TPD52L1: variants seen among roughly 807,000 people sequenced by gnomAD.
TPD52L1 encodes the protein tumor protein D53.
TPD52L1 carries 18 observed loss-of-function variants against 28.7 expected under a neutral mutation model. The ratio of observed to expected loss-of-function variants is 0.63; its 90% CI spans 0.43 to 0.93. TPD52L1 has a LOEUF of 0.93. TPD52L1 is among the 40% of genes least tolerant of loss of function. The probability of loss-of-function intolerance (pLI) is 0.00; values close to 1 mark genes in which losing one functional copy is unlikely to be tolerated. For missense variants in TPD52L1, 203 were observed against 254.8 expected, an observed-to-expected ratio of 0.80 and a Z score of 1.39; for synonymous variants, 75 against 88.8, an observed-to-expected ratio of 0.84 and a Z score of 0.88.
chr6:125,260,986 G>GAAAA (rs71024717), intron 6 of TPD52L1: 1 of 25,542 alleles, frequency 3.9e-5, no homozygotes, highest in Non-Finnish European at 6.5e-5. Context: ...GAAAAGAAAA[G>GAAAA]AAAGAAAGAA....
intron 1 of TPD52L1, among the ~76,000 whole-genome samples, chr6:125,212,870 C>G (rs925140584): frequency 6.6e-6 from 1 of 152,216 alleles, no homozygotes; most frequent in South Asian, 2.1e-4. Context: ...ATAGTGAAAA[C>G]AGGCACATAG....
intron 1 of TPD52L1, chr6:125,219,810 G>GT: frequency 4.6e-6 from 2 of 434,336 alleles, no homozygotes; most frequent in Non-Finnish European, 8.6e-6. Flanking sequence ...CACCAAGGTG[G>GT]TAAATGTAGA....
intron 1 of TPD52L1, among the ~76,000 whole-genome samples, chr6:125,180,489 A>G (rs1792110297): frequency 6.6e-6 from 1 of 152,128 alleles, no homozygotes. Context: ...TTACTGACAC[A>G]TATAAGAATT....
intron 1 of TPD52L1, among the ~76,000 whole-genome samples, chr6:125,192,971 A>T (rs1793160887): frequency 6.6e-6 from 1 of 152,208 alleles, no homozygotes; most frequent in Non-Finnish European, 1.5e-5. Context: ...ACATCTATTT[A>T]TTATCCTTAT....
At chr6:125,154,610 G>A in intron 1 of TPD52L1, 1 of 866,818 alleles carries the variant, frequency 1.2e-6, no homozygotes, top group Non-Finnish European at 1.4e-6. Flanking sequence ...CCAGCTCCCT[G>A]CTCCCGGGGC....
chr6:125,251,832 A>G (rs1317757135), intron 4 of TPD52L1, among the ~76,000 whole-genome samples: 4 of 152,248 alleles, frequency 2.6e-5, no homozygotes, highest in Non-Finnish European at 2.9e-5. Context: ...TAACAGAAGC[A>G]AAACTTGAGT....
intron 3 of TPD52L1, among the ~76,000 whole-genome samples, chr6:125,233,233 A>T (rs941411670): frequency 6.6e-6 from 1 of 152,228 alleles, no homozygotes; most frequent in African/African-American, 2.4e-5. Context: ...TAATAATTTT[A>T]TCCTACATAA....
chr6:125,252,143 C>T, intron 4 of TPD52L1: 2 of 1,311,868 alleles, frequency 1.5e-6, no homozygotes, highest in East Asian at 2.5e-5. Context: ...AACAAAACTA[C>T]ACTCTGTTTT....
At chr6:125,168,365 C>A (rs1333669435) in intron 1 of TPD52L1, among the ~76,000 whole-genome samples, 1 of 152,054 alleles carries the variant, frequency 6.6e-6, no homozygotes, top group East Asian at 1.9e-4. Context: ...ACAGGGATAT[C>A]TTCTCTTCTT....
At chr6:125,213,133 T>A (rs1794628788) in intron 1 of TPD52L1, among the ~76,000 whole-genome samples, 1 of 152,224 alleles carries the variant, frequency 6.6e-6, no homozygotes, top group Non-Finnish European at 1.5e-5. Context: ...TTTTAACCTA[T>A]ACTTGGTGTG....
intron 1 of TPD52L1, among the ~76,000 whole-genome samples, chr6:125,193,496 C>T (rs1048331855): frequency 2.6e-5 from 4 of 152,204 alleles, no homozygotes; most frequent in East Asian, 3.9e-4. Flanking sequence ...AAGTCCCAAG[C>T]AGCTTTTCTG....
chr6:125,154,664 CAT>C (rs1237125510), intron 1 of TPD52L1: 1 of 341,276 alleles, frequency 2.9e-6, no homozygotes, highest in African/African-American at 2.2e-5. Flanking sequence ...AGGGCGGCCT[CAT>C]ATCTTGGGGT....
chr6:125,223,390 C>T (rs1795382942), intron 2 of TPD52L1, among the ~76,000 whole-genome samples: 1 of 152,118 alleles, frequency 6.6e-6, no homozygotes, highest in South Asian at 2.1e-4. Flanking sequence ...AGGCTTACAT[C>T]TTGGACAAAT....
chr6:125,172,460 T>TTGTG (rs1211284945), intron 1 of TPD52L1, among the ~76,000 whole-genome samples: 3 of 114,382 alleles, frequency 2.6e-5, no homozygotes, highest in African/African-American at 3.6e-5. Context: ...GCCTGGATTT[T>TTGTG]TGTGTGTGTG....
intron 1 of TPD52L1, among the ~76,000 whole-genome samples, chr6:125,194,925 C>T (rs1306014423): frequency 6.6e-6 from 1 of 152,132 alleles, no homozygotes; most frequent in East Asian, 1.9e-4. Context: ...GAGGATAGCC[C>T]ACCTATAAAC....
At chr6:125,224,696 C>G (rs1017693059) in intron 2 of TPD52L1, among the ~76,000 whole-genome samples, 2 of 152,160 alleles carry the variant, frequency 1.3e-5, no homozygotes, top group Non-Finnish European at 2.9e-5. Flanking sequence ...GTGGTTACTC[C>G]TAAATAACAT....
intron 1 of TPD52L1, chr6:125,203,823 C>T (rs1793945923): frequency 3.1e-6 from 3 of 983,332 alleles, no homozygotes; most frequent in Non-Finnish European, 2.4e-6. Flanking sequence ...TTGTAGAAAA[C>T]CTGATGTCTT....
intron 1 of TPD52L1, among the ~76,000 whole-genome samples, chr6:125,180,362 G>C (rs1283905149): frequency 1.3e-5 from 2 of 152,122 alleles, no homozygotes; most frequent in Non-Finnish European, 2.9e-5. Flanking sequence ...TTGAAATTGA[G>C]TCTTTCCCAG....
At chr6:125,205,853 A>G (rs1231930079) in intron 1 of TPD52L1, among the ~76,000 whole-genome samples, 1 of 152,214 alleles carries the variant, frequency 6.6e-6, no homozygotes, top group African/African-American at 2.4e-5. Flanking sequence ...AGTTCCATGT[A>G]TTTGTTGACC....
Sources: gnomAD v4.1 joint callset for allele counts (sites outside exome capture counted in the v4.1 genomes callset) on GRCh38, gnomAD v4.1.1 for gene constraint, MANE v1.5 for transcripts, NCBI Gene and HGNC (gene_info 2026-07-23, HGNC 2026-07-21) for gene names.